Variants in RAB30 observed in about 807,000 individuals in gnomAD.
The protein encoded by RAB30 is ras-related protein Rab-30.
Under a neutral mutation model 25.1 loss-of-function variants are expected in RAB30, and 9 were observed. The observed-to-expected ratio is 0.36, with a 90% CI of 0.22 to 0.63. RAB30 has a LOEUF of 0.63. Among genes scored for constraint, RAB30 ranks in the 20% least tolerant of loss-of-function variants. The pLI, the probability that RAB30 is intolerant of heterozygous loss-of-function variation, is 0.69. For synonymous variants in RAB30, 77 were observed against 86.4 expected (o/e 0.89, Z 0.60); for missense variants, 140 against 243.5 (o/e 0.58, Z 2.83).
At chr11:83,031,344 C>T (rs1177993370) in intron 1 of RAB30, among the ~76,000 whole-genome samples, 1 of 152,136 alleles carries the variant, frequency 6.6e-6, no homozygotes, top group Admixed American at 6.5e-5. Flanking sequence ...GAAGCCAAGT[C>T]AGTTGTCTGA....
rs1056044714 is a variant in RAB30, at chr11:83,071,874, G to C, written c.-192C>G. 48 of 382,816 alleles carry C rather than the reference G, an allele frequency of 1.3e-4. 1 individual carries two copies. The highest frequency in any genetic ancestry group is 7.3e-4 in the South Asian group (5 of 6,886). The allele number at this position is 382,816 out of a possible 1,614,324, so 23.7% of individuals were successfully genotyped here. Reference sequence around the variant, plus strand: ...GCAATCGCAAGCCCAGCAGCAGCAGGGGGTGGAGAGACCGTAGCACAATGA... The same window carrying C: ...GCAATCGCAAGCCCAGCAGCAGCAGCGGGTGGAGAGACCGTAGCACAATGA... On this transcript the variant is annotated 5_prime_UTR_variant, in exon 1 of 5. Coordinates refer to ENST00000527633, the MANE Select transcript of RAB30 (RefSeq NM_001286060.2).
At chr11:82,983,030 A>G (rs1237101695) in intron 4 of RAB30, among the ~76,000 whole-genome samples, 1 of 152,164 alleles carries the variant, frequency 6.6e-6, no homozygotes, top group Non-Finnish European at 1.5e-5. Flanking sequence ...ACTGCCATGT[A>G]ATGGAAACAC....
rs1856568651 is a variant in RAB30 at position 82,977,740 on chromosome 11, A to T, written c.*4425T>A. 6.6e-6 allele frequency: 1 copy of T among 152,216 alleles called. No individual in the cohort carries two copies. Among genetic ancestry groups the T allele is most frequent in the African/African-American group, 2.4e-5 (1 of 41,462 alleles). The allele number at this position is 152,216 out of a possible 1,614,324, so 9.4% of individuals were successfully genotyped here. A position where few individuals can be genotyped will look rare whatever the true frequency, so the allele number is the denominator to read the frequency against. On this transcript the variant is annotated 3_prime_UTR_variant, in exon 5 of 5. Transcript: ENST00000527633. ...AATGGCTTGCATTTAAAATTCCTTC[A>T]TCAGACTGGTAATGCCTCAATTTGT...
intron 1 of RAB30, among the ~76,000 whole-genome samples, chr11:83,028,896 G>T (rs1054891064): frequency 1.3e-5 from 2 of 152,142 alleles, no homozygotes; most frequent in African/African-American, 2.4e-5. Context: ...AGTTAGCCAG[G>T]CATGGTGGCA....
intron 1 of RAB30, among the ~76,000 whole-genome samples, chr11:83,068,463 G>A (rs1449652345): frequency 6.6e-6 from 1 of 152,004 alleles, no homozygotes; most frequent in African/African-American, 2.4e-5. Context: ...TTAACAGCCA[G>A]GATAATATTT....
intron 1 of RAB30, among the ~76,000 whole-genome samples, chr11:83,052,322 T>C (rs1858374379): frequency 6.6e-6 from 1 of 152,210 alleles, no homozygotes; most frequent in South Asian, 2.1e-4. Context: ...GATCAAGTGC[T>C]CACAGCCCCA....
intron 3 of RAB30, among the ~76,000 whole-genome samples, chr11:82,992,790 C>G (rs1384847952): frequency 6.6e-6 from 1 of 151,206 alleles, no homozygotes; most frequent in Non-Finnish European, 1.5e-5. Flanking sequence ...TTCTGTCACC[C>G]AGGCTGGAGT....
chr11:83,019,666 C>T (rs557420572), intron 1 of RAB30, among the ~76,000 whole-genome samples: 3 of 152,206 alleles, frequency 2.0e-5, no homozygotes, highest in Non-Finnish European at 4.4e-5. Context: ...GTTACTAGTA[C>T]ACACAAATTT....
At chr11:83,057,110 C>T (rs1232143074) in intron 1 of RAB30, among the ~76,000 whole-genome samples, 1 of 151,744 alleles carries the variant, frequency 6.6e-6, no homozygotes, top group Non-Finnish European at 1.5e-5. Context: ...TTCAAAGGGA[C>T]AGGCTTAAAT....
intron 1 of RAB30, among the ~76,000 whole-genome samples, chr11:83,031,620 C>T (rs896641240): frequency 1.3e-5 from 2 of 152,040 alleles, no homozygotes; most frequent in African/African-American, 2.4e-5. Context: ...CTCCGTTTCC[C>T]GGGTTCAAGC....
rs1049299523 is a variant in RAB30, at chr11:82,994,028, T to C, written c.177+11A>G. ...GCACCTGACAACCTTAGTGAATATTTAGCACCTTACCTTTACTTTTTCACC... is the reference window on the plus strand; with the variant it reads ...GCACCTGACAACCTTAGTGAATATTCAGCACCTTACCTTTACTTTTTCACC... On this transcript the variant is annotated intron_variant, in intron 3 of 4. Transcript: ENST00000527633. The C allele has an allele frequency of 6.3e-7, 1 of 1,580,226 alleles. No individual in the cohort carries two copies.
intron 1 of RAB30, among the ~76,000 whole-genome samples, chr11:83,042,739 T>C (rs1451576098): frequency 2.0e-5 from 3 of 152,210 alleles, no homozygotes; most frequent in African/African-American, 4.8e-5. Flanking sequence ...AGCTTTAGAA[T>C]TCTTGCCCAA....
intron 1 of RAB30, among the ~76,000 whole-genome samples, chr11:83,032,059 G>A (rs959337477): frequency 2.6e-5 from 4 of 152,106 alleles, no homozygotes; most frequent in Non-Finnish European, 4.4e-5. Context: ...AGACAGAGCC[G>A]TCCACTCTTT....
chr11:83,037,820 G>C (rs986767081), intron 1 of RAB30, among the ~76,000 whole-genome samples: 1 of 152,178 alleles, frequency 6.6e-6, no homozygotes, highest in African/African-American at 2.4e-5. Context: ...TAAAGTGTTT[G>C]GGGGTTATGA....
chr11:83,019,245 C>T (rs747720590), intron 1 of RAB30, among the ~76,000 whole-genome samples: 18 of 152,224 alleles, frequency 1.2e-4, no homozygotes, highest in Middle Eastern at 3.4e-3. Context: ...AGGCTGGTCT[C>T]GAACTCCTGA....
At chr11:83,067,789 C>A (rs1330366303) in intron 1 of RAB30, among the ~76,000 whole-genome samples, 1 of 151,914 alleles carries the variant, frequency 6.6e-6, no homozygotes, top group African/African-American at 2.4e-5. Flanking sequence ...GTCAGGAGTT[C>A]GAGACCAGCC....
intron 1 of RAB30, among the ~76,000 whole-genome samples, chr11:83,069,171 G>A (rs1381657704): frequency 6.6e-6 from 1 of 152,142 alleles, no homozygotes; most frequent in African/African-American, 2.4e-5. Flanking sequence ...GCAGTGATGA[G>A]GCCAAATCTA....
In RAB30 at chr11:83,054,005, G is replaced by A. The variant is rs192485119; in HGVS notation, c.-9+17686C>T. Among the ~76,000 whole-genome samples, 6 of 152,236 alleles carry A rather than the reference G, an allele frequency of 3.9e-5. 1 individual carries two copies. In the Middle Eastern group the frequency reaches 0.01, roughly 259 times the overall value. ...CTCAGGAGGCTGAGGCAGGAGAAACGCTTGAACCTGGGAGGCAGAGGTTGC... is the reference window on the plus strand; with the variant it reads ...CTCAGGAGGCTGAGGCAGGAGAAACACTTGAACCTGGGAGGCAGAGGTTGC... On this transcript the variant is annotated intron_variant, in intron 1 of 4. Coordinates refer to ENST00000527633, the MANE Select transcript of RAB30 (RefSeq NM_001286060.2).
chr11:83,064,463 C>A (rs1352161721), intron 1 of RAB30, among the ~76,000 whole-genome samples: 1 of 152,144 alleles, frequency 6.6e-6, no homozygotes, highest in Non-Finnish European at 1.5e-5. Flanking sequence ...ATTTAGGTAC[C>A]TTTTCCCTTC....
Sources: allele counts gnomAD v4.1 joint callset (sites outside exome capture counted in the v4.1 genomes callset), GRCh38; gene constraint gnomAD v4.1.1; transcripts MANE v1.5; gene names NCBI Gene and HGNC (gene_info 2026-07-23, HGNC 2026-07-21).